The following RPSA2 variants were observed in gnomAD, a reference collection of about 807,000 sequenced individuals.
RPSA2 encodes small ribosomal subunit protein uS2B.
At chr19:23,852,463 C>T in the RPSA2 span, among the ~76,000 whole-genome samples, 1 of 152,274 alleles carries the variant, frequency 6.6e-6, no homozygotes, top group South Asian at 2.1e-4. Context: ...AACAGCAAAC[C>T]AGTCATTAAC....
chr19:23,853,031 G>T, the RPSA2 span, among the ~76,000 whole-genome samples: 1 of 152,126 alleles, frequency 6.6e-6, no homozygotes, highest in Admixed American at 6.6e-5. Context: ...AAGAATATAG[G>T]CCTGGGGAAA....
At chr19:23,867,269 A>AGCTC in the RPSA2 span, among the ~76,000 whole-genome samples, 1 of 152,212 alleles carries the variant, frequency 6.6e-6, no homozygotes, top group East Asian at 1.9e-4. Context: ...GAGTAGGAGC[A>AGCTC]GCTCAAAGTG....
chr19:23,775,827 T>C, the RPSA2 span, among the ~76,000 whole-genome samples: 1 of 152,366 alleles, frequency 6.6e-6, no homozygotes, highest in Admixed American at 6.5e-5. Flanking sequence ...TTGTGACTTG[T>C]GTGCTTAGAT....
the RPSA2 span, among the ~76,000 whole-genome samples, chr19:23,785,782 C>G: frequency 6.6e-6 from 1 of 152,168 alleles, no homozygotes; most frequent in African/African-American, 2.4e-5. Context: ...AATGGTGACT[C>G]TCATACCTCA....
chr19:23,827,348 C>G, the RPSA2 span: 4 of 1,586,696 alleles, frequency 2.5e-6, no homozygotes, highest in Non-Finnish European at 3.4e-6. Flanking sequence ...GCTGGCAGCT[C>G]GTGCTATTGT....
chr19:23,868,745 G>A, the RPSA2 span, among the ~76,000 whole-genome samples: 38 of 152,280 alleles, frequency 2.5e-4, no homozygotes, highest in African/African-American at 3.4e-4. Flanking sequence ...GTATGCTTAT[G>A]TTTTTACAGC....
the RPSA2 span, among the ~76,000 whole-genome samples, chr19:23,807,406 A>G: frequency 6.6e-6 from 1 of 152,226 alleles, no homozygotes; most frequent in Non-Finnish European, 1.5e-5. Flanking sequence ...CATGATGTCC[A>G]GTTTATTGTA....
chr19:23,841,084 C>G, the RPSA2 span, among the ~76,000 whole-genome samples: 3 of 151,828 alleles, frequency 2.0e-5, no homozygotes, highest in Non-Finnish European at 4.4e-5. Context: ...GGCCAGTAAT[C>G]TCACAGAAGT....
chr19:23,784,260 A>G, the RPSA2 span, among the ~76,000 whole-genome samples: 1 of 152,252 alleles, frequency 6.6e-6, no homozygotes, highest in Non-Finnish European at 1.5e-5. Flanking sequence ...AGAGAATGTC[A>G]TAACAGGGTC....
chr19:23,793,815 C>T, the RPSA2 span, among the ~76,000 whole-genome samples: 39 of 152,106 alleles, frequency 2.6e-4, no homozygotes, highest in Non-Finnish European at 4.9e-4. Context: ...CTGCCTGCCT[C>T]GGCCTCCCAA....
chr19:23,827,652 A>G, the RPSA2 span: 1 of 1,596,332 alleles, frequency 6.3e-7, no homozygotes, highest in Non-Finnish European at 8.5e-7. Context: ...ATCCCATGCA[A>G]CAACAAGGGA....
chr19:23,836,433 G>A, the RPSA2 span, among the ~76,000 whole-genome samples: 1 of 152,042 alleles, frequency 6.6e-6, no homozygotes, highest in Non-Finnish European at 1.5e-5. Context: ...GGGCATTTTG[G>A]TTGGTTCCAG....
At chr19:23,863,336 G>A in the RPSA2 span, among the ~76,000 whole-genome samples, 1 of 152,076 alleles carries the variant, frequency 6.6e-6, no homozygotes, top group Admixed American at 6.5e-5. Flanking sequence ...GGCTAAGGAG[G>A]GTGGATCACC....
the RPSA2 span, among the ~76,000 whole-genome samples, chr19:23,786,322 A>G: frequency 1.3e-5 from 2 of 152,144 alleles, no homozygotes; most frequent in Non-Finnish European, 2.9e-5. Flanking sequence ...TTCCTGCGGG[A>G]GTGATTATCA....
the RPSA2 span, among the ~76,000 whole-genome samples, chr19:23,790,574 C>A: frequency 1.5e-4 from 23 of 152,146 alleles, no homozygotes; most frequent in Admixed American, 1.0e-3. Flanking sequence ...ACTGTCCAAT[C>A]ACACACACAA....
chr19:23,778,626 G>T, the RPSA2 span, among the ~76,000 whole-genome samples: 1 of 151,722 alleles, frequency 6.6e-6, no homozygotes, highest in African/African-American at 2.4e-5. Flanking sequence ...CCACAGAAAA[G>T]AGAGTGACTT....
At chr19:23,833,831 A>C in the RPSA2 span, among the ~76,000 whole-genome samples, 1 of 152,114 alleles carries the variant, frequency 6.6e-6, no homozygotes, top group African/African-American at 2.4e-5. Flanking sequence ...TAATACCTTT[A>C]CTTGTATCAG....
chr19:23,787,975 C>T, the RPSA2 span, among the ~76,000 whole-genome samples: 1 of 152,194 alleles, frequency 6.6e-6, no homozygotes, highest in East Asian at 1.9e-4. Context: ...ATCTTTGGGC[C>T]TGGGTCATGC....
the RPSA2 span, among the ~76,000 whole-genome samples, chr19:23,829,464 G>A: frequency 1.3e-5 from 2 of 152,076 alleles, no homozygotes; most frequent in East Asian, 1.9e-4. Flanking sequence ...ACCATGCCTG[G>A]CTAATTTTGT....
Sources: gnomAD v4.1 joint callset for allele counts (sites outside exome capture counted in the v4.1 genomes callset) on GRCh38, gnomAD v4.1.1 for gene constraint, MANE v1.5 for transcripts, NCBI Gene and HGNC (gene_info 2026-07-23, HGNC 2026-07-21) for gene names.